The following RASSF3 variants were observed in gnomAD, a reference collection of about 807,000 sequenced individuals.
RASSF3 encodes the protein ras association domain-containing protein 3.
A neutral mutation model predicts 19.9 loss-of-function variants in RASSF3; 19 were observed. That is an observed-to-expected ratio of 0.96 (90% CI 0.67 to 1.40). RASSF3 has a LOEUF of 1.40. Ranked by LOEUF, RASSF3 falls within the 40% of genes most tolerant of loss-of-function variation. The pLI is 0.00. For missense variants in RASSF3, 306 were observed against 289.8 expected, an observed-to-expected ratio of 1.06 and a Z score of -0.41; for synonymous variants, 110 against 104.2, an observed-to-expected ratio of 1.06 and a Z score of -0.34.
upstream of RASSF3, among the ~76,000 whole-genome samples, chr12:64,531,881 T>C (rs1868715881): frequency 6.6e-6 from 1 of 152,168 alleles, no homozygotes; most frequent in Non-Finnish European, 1.5e-5. Context: ...GAAATGCTAT[T>C]TTGGGGCTGC....
chr12:64,646,842 G>A (rs1013831313), intron 1 of RASSF3, among the ~76,000 whole-genome samples: 15 of 151,800 alleles, frequency 9.9e-5, no homozygotes, highest in Non-Finnish European at 1.8e-4. Context: ...CAACTGTAGC[G>A]GTTACTGAGG....
chr12:64,540,513 A>G (rs776379702), intron 1 of RASSF3, among the ~76,000 whole-genome samples: 2 of 152,238 alleles, frequency 1.3e-5, no homozygotes, highest in Non-Finnish European at 2.9e-5. Flanking sequence ...GCTATTATTT[A>G]TAACAGCCAA....
Position 64,694,978 on chromosome 12 carries a change from C to A in RASSF3, c.*66C>A. The A allele has an allele frequency of 1.9e-6, 3 of 1,540,432 alleles. No homozygotes were observed. The highest frequency in any genetic ancestry group is 1.4e-5 in the African/African-American group (1 of 72,960). The stretch of plus-strand genomic sequence containing the variant: ...GTACAAAACAGCAGCAAGTGCCTCT[C>A]TTCTCAGAGGGCTGCTGTCTTGCCC... On this transcript the variant is annotated 3_prime_UTR_variant, in exon 5 of 5. Coordinates refer to ENST00000542104, the MANE Select transcript of RASSF3 (RefSeq NM_178169.4).
Position 64,688,283 on chromosome 12 carries a change from C to T in RASSF3, c.287C>T (p.Ser96Phe). The T allele has an allele frequency of 6.2e-7, 1 of 1,614,176 alleles. No individual in the cohort carries two copies. Among genetic ancestry groups the T allele is most frequent in the Non-Finnish European group, 8.5e-7 (1 of 1,180,000 alleles). The change falls in exon 3 of 5, where the codon TCT becomes TTT. Residue 96 changes from serine to phenylalanine, a missense_variant. By Grantham distance (155) the Ser-to-Phe change is radical (BLOSUM62 -2). Coordinates refer to ENST00000542104, the MANE Select transcript of RASSF3 (RefSeq NM_178169.4). Reference sequence around the variant, plus strand: ...GAACTCTGCAAACCTCCACAGACTTCTCCAAATTCTGGAAAACTCTCTCCC... The same window carrying T: ...GAACTCTGCAAACCTCCACAGACTTTTCCAAATTCTGGAAAACTCTCTCCC... The part of the protein sequence containing the change: ...QMELCKPPQT[S>F]PNSGKLSPSS...
At chr12:64,673,326 TTCCC>T (rs1030404455) in intron 1 of RASSF3, among the ~76,000 whole-genome samples, 2 of 152,314 alleles carry the variant, frequency 1.3e-5, no homozygotes, top group Admixed American at 1.3e-4. Flanking sequence ...TCAGTCTCAC[TTCCC>T]TCCTGGCTTC....
At chr12:64,640,563 T>C (rs1218557374) in intron 1 of RASSF3, among the ~76,000 whole-genome samples, 1 of 152,260 alleles carries the variant, frequency 6.6e-6, no homozygotes, top group East Asian at 1.9e-4. Flanking sequence ...GTATTTGTCC[T>C]TCTGTGACTG....
chr12:64,521,685 C>T (rs1000504988), intron 1 of RASSF3, among the ~76,000 whole-genome samples: 7 of 152,106 alleles, frequency 4.6e-5, no homozygotes, highest in African/African-American at 1.7e-4. Context: ...TCCATCATGC[C>T]CGTCAGTGCC....
chr12:64,521,409 C>T (rs1868476298), intron 1 of RASSF3, among the ~76,000 whole-genome samples: 2 of 152,180 alleles, frequency 1.3e-5, no homozygotes, highest in South Asian at 4.1e-4. Flanking sequence ...CTGCTCTGGA[C>T]CACATCCTTT....
rs1487064167 is a variant in RASSF3, at chr12:64,694,779, T to C, written c.584T>C (p.Leu195Pro). ...TCCTGACAGTGGGAAGCCTTCAGCC[T>C]TCCAGAACTACAGAATTTCTTGCGC... The part of the protein sequence containing the change: ...HEIGEWEAFS[L>P]PELQNFLRIL... The change falls in exon 5 of 5, where the codon CTT (leucine) becomes CCT (proline). Residue 195 changes from leucine to proline, a missense_variant. Leu to Pro is a moderately conservative substitution (Grantham distance 98). Coordinates refer to ENST00000542104, the MANE Select transcript of RASSF3 (RefSeq NM_178169.4). 2 of 1,614,184 alleles carry C rather than the reference T, an allele frequency of 1.2e-6. No individual in the cohort carries two copies. Among genetic ancestry groups the C allele is most frequent in the Non-Finnish European group, 1.7e-6 (2 of 1,180,018 alleles).
chr12:64,665,767 G>A (rs1872523952), intron 1 of RASSF3, among the ~76,000 whole-genome samples: 1 of 152,216 alleles, frequency 6.6e-6, no homozygotes, highest in Admixed American at 6.5e-5. Context: ...CAGTCACAGA[G>A]CTTAACACTG....
intron 1 of RASSF3, among the ~76,000 whole-genome samples, chr12:64,520,555 C>CACATATATATATATATATAT (rs1435123674): frequency 6.9e-5 from 6 of 86,354 alleles, no homozygotes; most frequent in East Asian, 4.5e-4. Context: ...CACATACACA[C>CACATATATATATATATATAT]ATATATATAT....
chr12:64,611,764 G>T (rs1337844983), intron 1 of RASSF3: 1 of 152,296 alleles, frequency 6.6e-6, no homozygotes, highest in Non-Finnish European at 1.5e-5. Context: ...GGGGCCGGAT[G>T]ATAACTTCTT....
At chr12:64,685,469 T>G (rs1391573692) in intron 2 of RASSF3, among the ~76,000 whole-genome samples, 2 of 152,154 alleles carry the variant, frequency 1.3e-5, no homozygotes, top group African/African-American at 4.8e-5. Context: ...CATCTCAAAT[T>G]CCTTGGCTCA....
intron 1 of RASSF3, among the ~76,000 whole-genome samples, chr12:64,524,393 T>C (rs767381285): frequency 1.3e-5 from 2 of 151,976 alleles, no homozygotes; most frequent in Non-Finnish European, 2.9e-5. Flanking sequence ...AGCCTGTACT[T>C]GCTCTTAATC....
intron 1 of RASSF3, among the ~76,000 whole-genome samples, chr12:64,651,021 G>T (rs1871933863): frequency 6.6e-6 from 1 of 152,220 alleles, no homozygotes; most frequent in Admixed American, 6.5e-5. Flanking sequence ...AGATCTGTTT[G>T]CTGTGTGTGC....
At chr12:64,517,017 A>G (rs1427570729) in intron 1 of RASSF3, among the ~76,000 whole-genome samples, 2 of 151,276 alleles carry the variant, frequency 1.3e-5, no homozygotes, top group South Asian at 4.2e-4. Context: ...AAAAAAAAAA[A>G]AAAAGAAAGA....
intron 1 of RASSF3, among the ~76,000 whole-genome samples, chr12:64,654,541 C>T (rs1012021487): frequency 1.0e-4 from 15 of 150,026 alleles, no homozygotes; most frequent in African/African-American, 3.4e-4. Flanking sequence ...ACGGTGGCTT[C>T]TGCCTGCAAT....
At chr12:64,534,695 G>C (rs1283684341) in intron 1 of RASSF3, among the ~76,000 whole-genome samples, 2 of 152,136 alleles carry the variant, frequency 1.3e-5, no homozygotes, top group Admixed American at 6.6e-5. Context: ...GAGAGACAGA[G>C]AGAGACAATG....
chr12:64,550,203 A>G (rs1475081237), intron 2 of RASSF3, among the ~76,000 whole-genome samples: 4 of 152,136 alleles, frequency 2.6e-5, no homozygotes, highest in Non-Finnish European at 5.9e-5. Context: ...TAAGGAAACA[A>G]AGAAGAATGC....
Sources: allele counts gnomAD v4.1 joint callset (sites outside exome capture counted in the v4.1 genomes callset), GRCh38; gene constraint gnomAD v4.1.1; transcripts MANE v1.5; gene names NCBI Gene and HGNC (gene_info 2026-07-23, HGNC 2026-07-21).